The following ZMIZ1 variants were observed in gnomAD, a reference collection of about 807,000 sequenced individuals.
ZMIZ1 encodes zinc finger MIZ domain-containing protein 1.
ZMIZ1 carries 17 observed loss-of-function variants against 113.9 expected under a neutral mutation model. The ratio of observed to expected loss-of-function variants is 0.15; its 90% confidence interval spans 0.10 to 0.22. The LOEUF (loss-of-function observed/expected upper bound fraction) is 0.22. Ranked by LOEUF, ZMIZ1 falls within the 10% of genes least tolerant of loss-of-function variation. The pLI, the probability that ZMIZ1 is intolerant of heterozygous loss-of-function variation, is 1.00. For missense variants in ZMIZ1, 1,059 were observed against 1,477.8 expected (o/e 0.72, Z 4.65); for synonymous variants, 607 against 603.1 (o/e 1.01, Z -0.09).
At chr10:79,106,922 G>C (rs61381266) in intron 1 of ZMIZ1, among the ~76,000 whole-genome samples, 1 of 152,212 alleles carries the variant, frequency 6.6e-6, no homozygotes, top group Non-Finnish European at 1.5e-5. Flanking sequence ...TTGTTCTTGA[G>C]TGCCCCTGCC....
chr10:79,248,159 T>C (rs1314819680), intron 7 of ZMIZ1, among the ~76,000 whole-genome samples: 1 of 152,048 alleles, frequency 6.6e-6, no homozygotes, highest in Admixed American at 6.5e-5. Context: ...AACAGAGGCC[T>C]ATGCTCTACA....
chr10:79,143,572 G>A (rs1214034790), intron 3 of ZMIZ1, among the ~76,000 whole-genome samples: 1 of 152,208 alleles, frequency 6.6e-6, no homozygotes, highest in Non-Finnish European at 1.5e-5. Context: ...GTCAGGGTGT[G>A]CAGAGATGAC....
intron 7 of ZMIZ1, among the ~76,000 whole-genome samples, chr10:79,222,254 C>T (rs1489392227): frequency 6.6e-6 from 1 of 152,172 alleles, no homozygotes; most frequent in Non-Finnish European, 1.5e-5. Flanking sequence ...AGTCAAATGC[C>T]TGGCTTCCTT....
chr10:79,215,263 C>A (rs930405006), intron 6 of ZMIZ1, among the ~76,000 whole-genome samples: 1 of 151,624 alleles, frequency 6.6e-6, no homozygotes, highest in Non-Finnish European at 1.5e-5. Flanking sequence ...GCAGCTCTGA[C>A]CTGAAGCCCT....
intron 7 of ZMIZ1, among the ~76,000 whole-genome samples, chr10:79,262,834 G>A (rs1851353417): frequency 1.3e-5 from 2 of 152,170 alleles, no homozygotes; most frequent in South Asian, 4.1e-4. Flanking sequence ...GCAGCCAGTG[G>A]GCATCCACTG....
chr10:79,186,418 A>G (rs1055006942), intron 4 of ZMIZ1, among the ~76,000 whole-genome samples: 1 of 152,184 alleles, frequency 6.6e-6, no homozygotes. Flanking sequence ...TGTGCCTGCT[A>G]GAAGCCCTGG....
At chr10:79,133,308 C>T (rs1844853565) in intron 2 of ZMIZ1, among the ~76,000 whole-genome samples, 1 of 152,212 alleles carries the variant, frequency 6.6e-6, no homozygotes, top group Admixed American at 6.5e-5. Flanking sequence ...TGCCTCTGTA[C>T]TCTCACAGCA....
At chr10:79,150,168 C>T (rs540571009) in intron 3 of ZMIZ1, among the ~76,000 whole-genome samples, 8 of 152,302 alleles carry the variant, frequency 5.3e-5, no homozygotes, top group Admixed American at 1.3e-4. Context: ...GGCCTGGCCC[C>T]GGGCCGCAGC....
At position 79,183,354 on chromosome 10, in the gene ZMIZ1, A is replaced by ACG. The variant is rs771421694; in HGVS notation, c.-49-18226_-49-18225dup. On this transcript the variant is annotated intron_variant, in intron 4 of 24. Transcript: ENST00000334512. ...CGCAGCACAGGCCTGAGGCTCGTGC[A>ACG]CGCGCACACACACACACACACACAC... Among the ~76,000 whole-genome samples, 476 of 89,304 alleles carry ACG rather than the reference A, an allele frequency of 5.3e-3. 2 individuals are homozygous for ACG. Among genetic ancestry groups the ACG allele is most frequent in the Non-Finnish European group, 6.1e-3 (298 of 48,860 alleles). The allele number at this position is 89,304 out of a possible 152,430, so 58.6% of individuals were successfully genotyped here. A position where few individuals can be genotyped will look rare whatever the true frequency, so the allele number is the denominator to read the frequency against.
At chr10:79,284,738 C>G (rs150061762) in intron 8 of ZMIZ1, among the ~76,000 whole-genome samples, 263 of 152,284 alleles carry the variant, frequency 1.7e-3, no homozygotes, top group African/African-American at 6.1e-3. Flanking sequence ...GTGGCAGAGC[C>G]AGGGTTTGAC....
intron 1 of ZMIZ1, among the ~76,000 whole-genome samples, chr10:79,095,180 C>A (rs539028827): frequency 6.6e-6 from 1 of 152,110 alleles, no homozygotes; most frequent in Non-Finnish European, 1.5e-5. Context: ...AAAGTGGGAA[C>A]GATTAAGGTT....
intron 7 of ZMIZ1, among the ~76,000 whole-genome samples, chr10:79,219,550 C>G (rs148881003): frequency 9.3e-4 from 141 of 152,290 alleles, no homozygotes; most frequent in Admixed American, 1.6e-3. Context: ...TGGAAAGAGC[C>G]CTTCATGCTG....
Position 79,299,203 on chromosome 10 carries a change from G to A in ZMIZ1, c.1808+12G>A, listed in dbSNP as rs1854127043. 1.3e-6 allele frequency: 2 copies of A among 1,597,358 alleles called. No homozygotes were observed. Among genetic ancestry groups the A allele is most frequent in the Non-Finnish European group, 1.7e-6 (2 of 1,175,970 alleles). On this transcript the variant is annotated intron_variant, in intron 16 of 24. Transcript: ENST00000334512. ...ACGCTGATGTGGAGGTGCGTGTCAG[G>A]GCAGGGGCGCCAGCCCAGGCGGGAT...
chr10:79,142,609 G>A (rs1845315914), intron 3 of ZMIZ1, among the ~76,000 whole-genome samples: 2 of 152,322 alleles, frequency 1.3e-5, no homozygotes, highest in South Asian at 4.1e-4. Context: ...GAGGACTAAT[G>A]GAGAGACAGG....
chr10:79,163,099 C>T (rs1229631725), intron 4 of ZMIZ1, among the ~76,000 whole-genome samples: 1 of 152,248 alleles, frequency 6.6e-6, no homozygotes, highest in Non-Finnish European at 1.5e-5. Context: ...CACAAAAATC[C>T]TTACTTGGCC....
chr10:79,269,885 T>C (rs1407976908), intron 7 of ZMIZ1, among the ~76,000 whole-genome samples: 1 of 152,210 alleles, frequency 6.6e-6, no homozygotes, highest in African/African-American at 2.4e-5. Context: ...TGAGCGTACC[T>C]GCTCCCCGTG....
At chr10:79,152,219 C>T (rs941801462) in intron 3 of ZMIZ1, among the ~76,000 whole-genome samples, 3 of 152,208 alleles carry the variant, frequency 2.0e-5, no homozygotes, top group Non-Finnish European at 2.9e-5. Context: ...GATAGCCCAG[C>T]CCAGTACAGT....
At chr10:79,153,750 G>A (rs1431910339) in intron 3 of ZMIZ1, among the ~76,000 whole-genome samples, 1 of 152,254 alleles carries the variant, frequency 6.6e-6, no homozygotes, top group African/African-American at 2.4e-5. Flanking sequence ...TGTGGCTTGT[G>A]AGCCGGCCAG....
intron 7 of ZMIZ1, among the ~76,000 whole-genome samples, chr10:79,261,174 C>T (rs1851241788): frequency 6.6e-6 from 1 of 152,212 alleles, no homozygotes; most frequent in Non-Finnish European, 1.5e-5. Flanking sequence ...CCCTGTGGCC[C>T]CGCCGGGTGG....
Sources: gnomAD v4.1 joint callset for allele counts (sites outside exome capture counted in the v4.1 genomes callset) on GRCh38, gnomAD v4.1.1 for gene constraint, MANE v1.5 for transcripts, NCBI Gene and HGNC (gene_info 2026-07-23, HGNC 2026-07-21) for gene names.